HDAC9: variants seen among roughly 807,000 people sequenced by gnomAD.
The protein encoded by HDAC9 is histone deacetylase 9, also known as MEF-2 interacting transcription repressor (MITR) protein.
HDAC9 carries 41 observed loss-of-function variants against 139.4 expected under a neutral mutation model. The observed-to-expected ratio is 0.29, with a 90% confidence interval of 0.23 to 0.38. The LOEUF is 0.38. Among genes scored for constraint, HDAC9 ranks in the 10% least tolerant of loss-of-function variants. The pLI is 1.00. For synonymous variants in HDAC9, 517 were observed against 476.2 expected (o/e 1.09, Z -1.12); for missense variants, 1,147 against 1,297.0 (o/e 0.88, Z 1.78).
chr7:18,570,406 A>G (rs1823889851), intron 2 of HDAC9, among the ~76,000 whole-genome samples: 1 of 152,242 alleles, frequency 6.6e-6, no homozygotes, highest in Non-Finnish European at 1.5e-5. Context: ...TCTCTGTGGA[A>G]TATATTGACA....
At chr7:18,615,395 C>T (rs1838294930) in intron 6 of HDAC9, among the ~76,000 whole-genome samples, 1 of 151,992 alleles carries the variant, frequency 6.6e-6, no homozygotes, top group African/African-American at 2.4e-5. Flanking sequence ...GGAAATACTC[C>T]CATTCAAGTT....
At chr7:18,746,629 A>T (rs928162632) in intron 13 of HDAC9, among the ~76,000 whole-genome samples, 4 of 152,298 alleles carry the variant, frequency 2.6e-5, no homozygotes, top group African/African-American at 9.6e-5. Context: ...CCACCAATTA[A>T]TTCATTGAGG....
intron 1 of HDAC9, among the ~76,000 whole-genome samples, chr7:18,354,673 G>A (rs934524721): frequency 6.6e-6 from 1 of 152,078 alleles, no homozygotes; most frequent in Admixed American, 6.6e-5. Flanking sequence ...TTCTTCTTTT[G>A]TCTAATTTGT....
intron 2 of HDAC9, among the ~76,000 whole-genome samples, chr7:18,228,819 A>G (rs1030576325): frequency 1.3e-5 from 2 of 152,200 alleles, no homozygotes; most frequent in African/African-American, 4.8e-5. Context: ...GCAGCCTTCC[A>G]AACTAGCCTG....
intron 13 of HDAC9, among the ~76,000 whole-genome samples, chr7:18,729,955 C>A (rs1785898754): frequency 6.6e-6 from 1 of 152,122 alleles, no homozygotes; most frequent in African/African-American, 2.4e-5. Flanking sequence ...GTAAAAATTA[C>A]ATTGTAACTA....
At chr7:18,140,467 C>T (rs1028597137) in intron 1 of HDAC9, among the ~76,000 whole-genome samples, 2 of 152,080 alleles carry the variant, frequency 1.3e-5, no homozygotes, top group Admixed American at 1.3e-4. Flanking sequence ...AGACTAGATC[C>T]AGATTTTATC....
intron 2 of HDAC9, among the ~76,000 whole-genome samples, chr7:18,235,135 G>T (rs1793730683): frequency 6.6e-6 from 1 of 152,066 alleles, no homozygotes; most frequent in Non-Finnish European, 1.5e-5. Context: ...AATCACTGCT[G>T]CAGATAAAGG....
intron 2 of HDAC9, among the ~76,000 whole-genome samples, chr7:18,522,368 C>T (rs530542099): frequency 4.2e-4 from 64 of 152,160 alleles, no homozygotes; most frequent in Non-Finnish European, 8.4e-4. Context: ...ACTAAAGCTC[C>T]GTGCTGGGAA....
At chr7:18,146,039 A>G (rs1202831344) in intron 1 of HDAC9, among the ~76,000 whole-genome samples, 1 of 152,160 alleles carries the variant, frequency 6.6e-6, no homozygotes, top group Non-Finnish European at 1.5e-5. Context: ...CTTCATGCTG[A>G]TTGGTTGGGA....
At chr7:18,845,914 C>T (rs959346813) in intron 21 of HDAC9, among the ~76,000 whole-genome samples, 4 of 152,056 alleles carry the variant, frequency 2.6e-5, no homozygotes, top group Admixed American at 6.6e-5. Context: ...CTTGGAGTCA[C>T]GTGCACTGTG....
At chr7:18,519,343 CAAAT>C (rs1461158999) in intron 2 of HDAC9, among the ~76,000 whole-genome samples, 6 of 151,882 alleles carry the variant, frequency 4.0e-5, no homozygotes, top group South Asian at 2.1e-4. Flanking sequence ...ACATGACAGA[CAAAT>C]AAAAAGTTAC....
At chr7:18,751,297 C>T (rs1010690478) in intron 14 of HDAC9, among the ~76,000 whole-genome samples, 1 of 152,026 alleles carries the variant, frequency 6.6e-6, no homozygotes, top group Non-Finnish European at 1.5e-5. Flanking sequence ...ATCACTTAAT[C>T]ACAAAATTAA....
At chr7:18,740,926 C>T (rs2129141503) in intron 13 of HDAC9, among the ~76,000 whole-genome samples, 1 of 152,290 alleles carries the variant, frequency 6.6e-6, no homozygotes, top group South Asian at 2.1e-4. Flanking sequence ...ACAGTATTTC[C>T]TTCAGCCAAA....
chr7:18,369,252 T>G lies in HDAC9; in HGVS notation c.-42+78737T>G, dbSNP rs28456073. Among the ~76,000 whole-genome samples the G allele has an allele frequency of 2.6e-3, 396 of 152,256 alleles. 2 individuals carry two copies. The highest frequency in any genetic ancestry group is 9.1e-3 in the African/African-American group (379 of 41,564). ...GTTTTGTCTCAATGTAACAGCAGAATAGTGGAATTCGTATGGAAATAATTG... is the reference window on the plus strand; with the variant it reads ...GTTTTGTCTCAATGTAACAGCAGAAGAGTGGAATTCGTATGGAAATAATTG... On this transcript the variant is annotated intron_variant, in intron 1 of 3. Transcript: ENST00000413509.
chr7:18,310,633 A>G (rs768806472), intron 1 of HDAC9, among the ~76,000 whole-genome samples: 2 of 152,184 alleles, frequency 1.3e-5, no homozygotes, highest in Non-Finnish European at 2.9e-5. Context: ...GAATATCCCA[A>G]CAATCCCTTG....
At chr7:18,632,656 C>A (rs781545514) in intron 7 of HDAC9, among the ~76,000 whole-genome samples, 11 of 152,018 alleles carry the variant, frequency 7.2e-5, no homozygotes, top group Non-Finnish European at 1.6e-4. Flanking sequence ...TAATATTAGG[C>A]TCTATTTTGG....
At chr7:18,539,176 A>AG (rs1811900695) in intron 2 of HDAC9, among the ~76,000 whole-genome samples, 1 of 152,252 alleles carries the variant, frequency 6.6e-6, no homozygotes, top group Admixed American at 6.5e-5. Context: ...CAAGTTATCA[A>AG]GGTGAACATC....
chr7:18,859,838 A>ATGTGTGTGTGTGTG (rs1562997025), intron 21 of HDAC9, among the ~76,000 whole-genome samples: 2 of 129,788 alleles, frequency 1.5e-5, no homozygotes, highest in African/African-American at 5.6e-5. Context: ...ATATATATAT[A>ATGTGTGTGTGTGTG]TATATATATA....
intron 16 of HDAC9, among the ~76,000 whole-genome samples, chr7:18,791,322 C>A (rs1397895939): frequency 2.6e-5 from 4 of 152,122 alleles, no homozygotes; most frequent in African/African-American, 9.7e-5. Context: ...GCTTGCTTCC[C>A]CAGTAACTTA....
Sources: allele counts gnomAD v4.1 joint callset (sites outside exome capture counted in the v4.1 genomes callset), GRCh38; gene constraint gnomAD v4.1.1; transcripts MANE v1.5; gene names NCBI Gene and HGNC (gene_info 2026-07-23, HGNC 2026-07-21).